CAMK1D: variants seen among roughly 807,000 people sequenced by gnomAD.
CAMK1D encodes the protein calcium/calmodulin dependent protein kinase ID.
In CAMK1D, 9 loss-of-function variants were observed where a neutral mutation model predicts 47.7. The ratio of observed to expected loss-of-function variants is 0.19; its 90% CI spans 0.11 to 0.33. The LOEUF is 0.33. Ranked by LOEUF, CAMK1D falls within the 10% of genes least tolerant of loss-of-function variation. The pLI, the probability that CAMK1D is intolerant of heterozygous loss-of-function variation, is 1.00. For missense variants in CAMK1D, 291 were observed against 488.7 expected, an observed-to-expected ratio of 0.60 and a Z score of 3.81; for synonymous variants, 184 against 184.9, an observed-to-expected ratio of 0.99 and a Z score of 0.04.
At chr10:12,595,342 GAAAAAAAA>G (rs535214333) in intron 2 of CAMK1D, among the ~76,000 whole-genome samples, 7 of 23,564 alleles carry the variant, frequency 3.0e-4, no homozygotes, top group African/African-American at 9.0e-4. Flanking sequence ...AACTCCATCT[GAAAAAAAA>G]AAAAAAAAAA....
chr10:12,816,379 G>C, intron 8 of CAMK1D, 51 bp downstream of exon 8: 1 of 1,465,464 alleles, frequency 6.8e-7, no homozygotes, highest in African/African-American at 1.4e-5. Flanking sequence ...GCCATCTGGG[G>C]GGGGCACGAA....
rs1554832121 is a variant in CAMK1D, at chr10:12,828,667, C to CA, written c.1040-102_1040-101insA. On this transcript the variant is annotated intron_variant, in intron 10 of 10. Transcript: ENST00000619168. ...AGAAAAAAAAAAAATTGGGCCCCCC[C>CA]GCCCCCCACCATAAACCCAGCCCCT... is the stretch of plus-strand genomic sequence containing the variant. 5.2e-5 allele frequency: 44 copies of CA among 839,280 alleles called. No homozygotes were observed. In the East Asian group the frequency reaches 7.2e-4, roughly 14 times the overall value. 52.0% of individuals were successfully genotyped at this position (839,280 alleles called of 1,614,324 possible).
rs113615260 is a variant in CAMK1D, at chr10:12,745,411, GCA to G, written c.300-15525_300-15524del. ...AACATAAACACATGCGTGTGCGCAC[GCA>G]CACACACACACGCTAGAATACTAGA... On this transcript the variant is annotated intron_variant, in intron 3 of 10. Coordinates refer to ENST00000619168, the MANE Select transcript of CAMK1D (RefSeq NM_153498.4). 6.6e-5 allele frequency among the ~76,000 whole-genome samples: 10 copies of G among 151,470 alleles called. 1 individual carries two copies. Among genetic ancestry groups the G allele is most frequent in the South Asian group, 4.2e-4 (2 of 4,804 alleles).
rs867993819 is a variant in CAMK1D at position 12,697,442 on chromosome 10, A to G, written c.299+30632A>G. Among the ~76,000 whole-genome samples the G allele has an allele frequency of 7.2e-5, 11 of 152,330 alleles. No homozygotes were observed. In the Middle Eastern group the frequency reaches 0.01, roughly 141 times the overall value. ...GTGATGGAGTCTCGCTCCGTCACCC[A>G]TGCTGGAGTGCAATGGCTCAATCTC... On this transcript the variant is annotated intron_variant, in intron 3 of 10. Coordinates refer to ENST00000619168, the MANE Select transcript of CAMK1D (RefSeq NM_153498.4).
intron 3 of CAMK1D, among the ~76,000 whole-genome samples, chr10:12,753,022 G>A (rs1310578591): frequency 6.6e-6 from 1 of 152,096 alleles, no homozygotes; most frequent in Admixed American, 6.6e-5. Flanking sequence ...GAGGCAGGTG[G>A]ATCACAAGGT....
intron 3 of CAMK1D, among the ~76,000 whole-genome samples, chr10:12,717,398 T>C (rs890231662): frequency 7.2e-5 from 11 of 152,090 alleles, no homozygotes; most frequent in Admixed American, 6.5e-4. Context: ...CCAGGCAGCT[T>C]GGAGTAATGG....
chr10:12,758,866 G>T (rs1275938748), intron 3 of CAMK1D, among the ~76,000 whole-genome samples: 1 of 152,150 alleles, frequency 6.6e-6, no homozygotes, highest in Admixed American at 6.5e-5. Context: ...AGGCAGAACA[G>T]TGAGAAGCAA....
rs548030806 is a variant in CAMK1D, at chr10:12,601,612, C to T, written c.224+48256C>T. Among the ~76,000 whole-genome samples the T allele has an allele frequency of 5.3e-5, 8 of 152,224 alleles. No homozygotes were observed. The South Asian group carries it at 6.2e-4, about 12-fold the overall frequency. ...CTGAGTAGCTGGGATTACAGGCACC[C>T]GCCACCACGTCTGGCTGGTTTTTGT... On this transcript the variant is annotated intron_variant, in intron 2 of 10. Coordinates refer to ENST00000619168, the MANE Select transcript of CAMK1D (RefSeq NM_153498.4).
At chr10:12,647,702 CATG>C (rs1839850927) in intron 2 of CAMK1D, among the ~76,000 whole-genome samples, 1 of 152,180 alleles carries the variant, frequency 6.6e-6, no homozygotes, top group Admixed American at 6.5e-5. Context: ...ATGAGCCAGC[CATG>C]CCCTTCCCAT....
intron 1 of CAMK1D, among the ~76,000 whole-genome samples, chr10:12,551,612 C>T (rs1407891248): frequency 6.6e-6 from 1 of 152,086 alleles, no homozygotes; most frequent in Non-Finnish European, 1.5e-5. Context: ...TTGGTGGACA[C>T]CTGTAATCCC....
chr10:12,765,721 G>C (rs904025408), intron 4 of CAMK1D, among the ~76,000 whole-genome samples: 1 of 152,154 alleles, frequency 6.6e-6, no homozygotes, highest in Non-Finnish European at 1.5e-5. Context: ...ACATTTAGTA[G>C]GTGAAAGAAA....
intron 1 of CAMK1D, among the ~76,000 whole-genome samples, chr10:12,469,517 C>T (rs1478230540): frequency 6.6e-6 from 1 of 152,116 alleles, no homozygotes; most frequent in Non-Finnish European, 1.5e-5. Context: ...TGCTCTGCTA[C>T]AGTCATGGCA....
In CAMK1D at chr10:12,490,312, C is replaced by G. The variant is rs372214043; in HGVS notation, c.93-62913C>G. Reference sequence around the variant, plus strand: ...AACTGTCATTAAAGCTGGCTGCTTGCAGGGCGCTGGGACGGGGTTATTCTG... The same window carrying G: ...AACTGTCATTAAAGCTGGCTGCTTGGAGGGCGCTGGGACGGGGTTATTCTG... On this transcript the variant is annotated intron_variant, in intron 1 of 10. Transcript: ENST00000619168. Among the ~76,000 whole-genome samples, 13 of 152,148 alleles carry G rather than the reference C, an allele frequency of 8.5e-5. No homozygotes were observed. The East Asian group carries it at 1.3e-3, about 16-fold the overall frequency.
intron 2 of CAMK1D, among the ~76,000 whole-genome samples, chr10:12,569,160 A>G (rs887238592): frequency 1.3e-5 from 2 of 152,202 alleles, no homozygotes; most frequent in African/African-American, 4.8e-5. Context: ...AGACTCCTGT[A>G]TTCTCTATAC....
intron 1 of CAMK1D, among the ~76,000 whole-genome samples, chr10:12,474,021 A>G (rs116178265): frequency 1.6e-4 from 24 of 152,256 alleles, no homozygotes; most frequent in African/African-American, 4.8e-4. Flanking sequence ...GAATTAAGTC[A>G]TATGTTGACA....
intron 8 of CAMK1D, among the ~76,000 whole-genome samples, chr10:12,822,294 G>A (rs918807400): frequency 1.3e-5 from 2 of 152,216 alleles, no homozygotes; most frequent in African/African-American, 4.8e-5. Flanking sequence ...TGACATGGCT[G>A]CACTGCTGCA....
rs182621381 is a variant in CAMK1D, at chr10:12,511,357, T to G, written c.93-41868T>G. On this transcript the variant is annotated intron_variant, in intron 1 of 10. Coordinates refer to ENST00000619168, the MANE Select transcript of CAMK1D (RefSeq NM_153498.4). ...AGCTTATGCCTGGAATCCCAGCACT[T>G]TGGGAGGCTGAGGCTGGACAGTCTC... is the stretch of plus-strand genomic sequence containing the variant. 5.5e-4 allele frequency among the ~76,000 whole-genome samples: 83 copies of G among 152,190 alleles called. No individual in the cohort carries two copies. In the Middle Eastern group the frequency reaches 0.017, roughly 31 times the overall value.
At chr10:12,571,882 G>A (rs75544429) in intron 2 of CAMK1D, among the ~76,000 whole-genome samples, 5 of 149,044 alleles carry the variant, frequency 3.4e-5, no homozygotes, top group Admixed American at 2.0e-4. Context: ...AAAACAACAG[G>A]TATTCCCTTC....
chr10:12,578,694 C>T (rs985345727), intron 2 of CAMK1D: 2 of 152,930 alleles, frequency 1.3e-5, no homozygotes, highest in East Asian at 1.9e-4. Flanking sequence ...GGATTACAAG[C>T]ATGAGCCACT....
Sources: gnomAD v4.1 joint callset for allele counts (sites outside exome capture counted in the v4.1 genomes callset) on GRCh38, gnomAD v4.1.1 for gene constraint, MANE v1.5 for transcripts, NCBI Gene and HGNC (gene_info 2026-07-23, HGNC 2026-07-21) for gene names.